LUZP2: variants seen among roughly 807,000 people sequenced by gnomAD.
LUZP2 encodes leucine zipper protein 2.
In LUZP2, 52 loss-of-function variants were observed where a neutral mutation model predicts 51.6. That is an observed-to-expected ratio of 1.01 (90% CI 0.81 to 1.27). The LOEUF (loss-of-function observed/expected upper bound fraction) is 1.27, where lower values mean the gene tolerates loss of function less well. Ranked by LOEUF, LUZP2 falls within the 50% of genes most tolerant of loss-of-function variation. The pLI is 0.00. For missense variants in LUZP2, 436 were observed against 395.4 expected (o/e 1.10, Z -0.87); for synonymous variants, 154 against 137.3 (o/e 1.12, Z -0.85).
chr11:24,711,181 G>T (rs568168409), intron 1 of LUZP2, among the ~76,000 whole-genome samples: 2 of 152,322 alleles, frequency 1.3e-5, no homozygotes, highest in South Asian at 2.1e-4. Context: ...CTGGCGCGGT[G>T]GCTGATGCCT....
intron 1 of LUZP2, among the ~76,000 whole-genome samples, chr11:24,672,472 T>G (rs1231398784): frequency 6.6e-6 from 1 of 152,186 alleles, no homozygotes; most frequent in South Asian, 2.1e-4. Flanking sequence ...TTGTATTTAA[T>G]TGTATAAATT....
rs1565255302 is a variant in LUZP2 at position 25,031,007 on chromosome 11, ATATATATATT to A, written c.766-19029_766-19020del. 3.7e-3 allele frequency among the ~76,000 whole-genome samples: 12 copies of A among 3,230 alleles called. 2 individuals are homozygous for A. The highest frequency in any genetic ancestry group is 0.017 in the African/African-American group (9 of 516). The allele number at this position is 3,230 out of a possible 152,430, so 2.1% of individuals were successfully genotyped here. A position where few individuals can be genotyped will look rare whatever the true frequency, so the allele number is the denominator to read the frequency against. On this transcript the variant is annotated intron_variant, in intron 9 of 11. Transcript: ENST00000336930. Reference sequence around the variant, plus strand: ...AATACAATATATATTATATATATATATATATATATTTTTTTTTTTTTTTGAGACAGAGTCT... The same window carrying A: ...AATACAATATATATTATATATATATATTTTTTTTTTTTTGAGACAGAGTCT...
chr11:25,069,264 A>G (rs1326838075), intron 10 of LUZP2, among the ~76,000 whole-genome samples: 1 of 151,978 alleles, frequency 6.6e-6, no homozygotes, highest in African/African-American at 2.4e-5. Context: ...ACTTTGCCTC[A>G]GTTGCAACAG....
At chr11:25,005,617 G>T (rs955959267) in intron 9 of LUZP2, among the ~76,000 whole-genome samples, 2 of 152,062 alleles carry the variant, frequency 1.3e-5, no homozygotes, top group Admixed American at 6.6e-5. Context: ...CCATGGTTTT[G>T]GTTTGTTTGT....
chr11:24,737,766 T>A (rs1385800539), intron 3 of LUZP2, among the ~76,000 whole-genome samples: 1 of 152,078 alleles, frequency 6.6e-6, no homozygotes, highest in Non-Finnish European at 1.5e-5. Flanking sequence ...TTACAAAGGA[T>A]GTATAAAGCA....
chr11:25,013,444 T>C (rs1173384316), intron 9 of LUZP2, among the ~76,000 whole-genome samples: 1 of 152,168 alleles, frequency 6.6e-6, no homozygotes. Context: ...AATTAATTAA[T>C]TAGTTTAAAA....
At chr11:24,808,892 A>G (rs1849933567) in intron 5 of LUZP2, among the ~76,000 whole-genome samples, 1 of 152,206 alleles carries the variant, frequency 6.6e-6, no homozygotes, top group African/African-American at 2.4e-5. Context: ...TTCATCAAAT[A>G]CTATTAAAAT....
At chr11:24,717,825 C>A (rs945506997) in intron 1 of LUZP2, among the ~76,000 whole-genome samples, 1 of 151,726 alleles carries the variant, frequency 6.6e-6, no homozygotes, top group Non-Finnish European at 1.5e-5. Flanking sequence ...CATTTACCTC[C>A]TACTTATAAA....
chr11:24,856,832 A>C lies in LUZP2; in HGVS notation c.397-49159A>C, dbSNP rs537627277. Among the ~76,000 whole-genome samples, 4 of 152,228 alleles carry C rather than the reference A, an allele frequency of 2.6e-5. No homozygotes were observed. In the East Asian group the frequency reaches 7.7e-4, roughly 29 times the overall value. On this transcript the variant is annotated intron_variant, in intron 5 of 11. Coordinates refer to ENST00000336930, the MANE Select transcript of LUZP2 (RefSeq NM_001009909.4). ...AGAGGCCATTATCTTACCTGAAATA[A>C]GTCAGAAATAAAAAGTCAAATACTG...
At chr11:24,598,116 AGAG>A (rs1565017057) in intron 1 of LUZP2, among the ~76,000 whole-genome samples, 1 of 149,950 alleles carries the variant, frequency 6.7e-6, no homozygotes. Flanking sequence ...AAAAAAAAAA[AGAG>A]AGAGACATTT....
intron 7 of LUZP2, among the ~76,000 whole-genome samples, chr11:24,952,003 C>T (rs1384097587): frequency 2.6e-5 from 4 of 151,570 alleles, no homozygotes; most frequent in East Asian, 1.9e-4. Context: ...TTTTTGGAAT[C>T]GACCTGAATT....
intron 6 of LUZP2, among the ~76,000 whole-genome samples, chr11:24,910,885 G>A (rs533609655): frequency 6.6e-6 from 1 of 152,220 alleles, no homozygotes; most frequent in South Asian, 2.1e-4. Flanking sequence ...CCTGGAAAAG[G>A]CATGGGCACT....
intron 5 of LUZP2, among the ~76,000 whole-genome samples, chr11:24,769,835 C>T (rs1565128167): frequency 6.6e-6 from 1 of 150,660 alleles, no homozygotes; most frequent in African/African-American, 2.5e-5. Context: ...CTCTGTCACC[C>T]AGGCTGGAGT....
intron 5 of LUZP2, among the ~76,000 whole-genome samples, chr11:24,776,233 C>G (rs530474107): frequency 1.6e-4 from 25 of 152,320 alleles, no homozygotes; most frequent in African/African-American, 5.8e-4. Flanking sequence ...AGAAGACTAA[C>G]AACTGTGCAA....
At chr11:24,799,175 T>C (rs937430892) in intron 5 of LUZP2, among the ~76,000 whole-genome samples, 7 of 152,198 alleles carry the variant, frequency 4.6e-5, no homozygotes, top group Non-Finnish European at 1.0e-4. Flanking sequence ...ATGCATTATG[T>C]GCTGATGAAT....
chr11:24,935,623 A>C (rs1854564993), intron 7 of LUZP2, among the ~76,000 whole-genome samples: 1 of 152,138 alleles, frequency 6.6e-6, no homozygotes, highest in Non-Finnish European at 1.5e-5. Flanking sequence ...AATATAAAAC[A>C]GTTATGGTAG....
intron 5 of LUZP2, among the ~76,000 whole-genome samples, chr11:24,803,842 C>T (rs1299792740): frequency 2.0e-5 from 3 of 151,840 alleles, no homozygotes; most frequent in South Asian, 2.1e-4. Flanking sequence ...CACAATAATT[C>T]TATTTATATA....
chr11:24,840,350 G>C, intron 5 of LUZP2, among the ~76,000 whole-genome samples: 1 of 151,802 alleles, frequency 6.6e-6, no homozygotes, highest in East Asian at 1.9e-4. Context: ...GGAAACATTT[G>C]ACACGTACCA....
chr11:24,647,757 G>A (rs184916231), intron 1 of LUZP2, among the ~76,000 whole-genome samples: 127 of 151,622 alleles, frequency 8.4e-4, no homozygotes, highest in African/African-American at 3.0e-3. Flanking sequence ...TGAAATACTC[G>A]ATTTTTTAAA....
Sources: allele counts gnomAD v4.1 joint callset (sites outside exome capture counted in the v4.1 genomes callset), GRCh38; gene constraint gnomAD v4.1.1; transcripts MANE v1.5; gene names NCBI Gene and HGNC (gene_info 2026-07-23, HGNC 2026-07-21).